F10: variants seen among roughly 807,000 people sequenced by gnomAD.
The protein encoded by F10 is coagulation factor X, also known as Stuart-Prower factor.
A neutral mutation model predicts 37.1 loss-of-function variants in F10; 29 were observed. That is an observed-to-expected ratio of 0.78 (90% CI 0.58 to 1.07). The LOEUF (loss-of-function observed/expected upper bound fraction) is 1.07. Among genes scored for constraint, F10 ranks in the 50% least tolerant of loss-of-function variants. The probability of loss-of-function intolerance (pLI) is 0.00; values close to 1 mark genes in which losing one functional copy is unlikely to be tolerated. For synonymous variants in F10, 262 were observed against 268.6 expected, an observed-to-expected ratio of 0.98 and a Z score of 0.24; for missense variants, 539 against 667.9, an observed-to-expected ratio of 0.81 and a Z score of 2.13.
In F10 at chr13:113,143,703, G is replaced by A. The variant is rs1020047882; in HGVS notation, c.503-148G>A. ...CAGATCCGACCCCTGCCGACGACGT[G>A]GGGCCTCGCCCTGCAAGCCCGCTGC... On this transcript the variant is annotated intron_variant, in intron 5 of 7. Transcript: ENST00000375559. The surrounding 1 kb of genome is among the most constrained non-coding windows in gnomAD (Gnocchi z 6.8). 1.9e-4 allele frequency: 224 copies of A among 1,187,984 alleles called. No homozygotes were observed. Among genetic ancestry groups the A allele is most frequent in the Admixed American group, 7.3e-4 (31 of 42,314 alleles). 73.6% of individuals were successfully genotyped at this position (1,187,984 alleles called of 1,614,324 possible). A position where few individuals can be genotyped will look rare whatever the true frequency, so the allele number is the denominator to read the frequency against.
At position 113,149,493 on chromosome 13, in the gene F10, C is replaced by G. The variant is rs1373042416; in HGVS notation, c.1443C>G (p.Val481=). 3.1e-6 allele frequency: 5 copies of G among 1,613,174 alleles called. No homozygotes were observed. Among genetic ancestry groups the G allele is most frequent in the Non-Finnish European group, 4.2e-6 (5 of 1,180,034 alleles). ...AGGCCAAGAGCCATGCCCCGGAGGT[C>G]ATAACGTCCTCTCCATTAAAGTGAG... ...LPKAKSHAPE[V]ITSSPLK is the part of the protein sequence containing the mutation. Residue 481 remains valine, a synonymous_variant, in exon 8 of 8, where the codon GTC becomes GTG. Coordinates refer to ENST00000375559, the MANE Select transcript of F10 (RefSeq NM_000504.4). The surrounding 1 kb of genome is among the most constrained non-coding windows in gnomAD (Gnocchi z 7.5).
intron 2 of F10, among the ~76,000 whole-genome samples, chr13:113,132,864 A>T (rs922821746): frequency 5.3e-5 from 8 of 152,240 alleles, no homozygotes; most frequent in African/African-American, 1.9e-4. Flanking sequence ...GCATACCTCA[A>T]TAAAAAGATT....
chr13:113,134,550 C>G (rs964487019), intron 2 of F10, among the ~76,000 whole-genome samples: 1 of 152,194 alleles, frequency 6.6e-6, no homozygotes, highest in South Asian at 2.1e-4. Flanking sequence ...AGGAACCACC[C>G]TCACGATTCA....
intron 6 of F10, among the ~76,000 whole-genome samples, chr13:113,145,730 G>C (rs1193759248): frequency 1.3e-5 from 2 of 152,218 alleles, no homozygotes; most frequent in African/African-American, 4.8e-5. Flanking sequence ...CAGCAAGACA[G>C]AGAATGAGAG....
chr13:113,132,712 T>C (rs1176390664), intron 2 of F10, among the ~76,000 whole-genome samples: 3 of 152,136 alleles, frequency 2.0e-5, no homozygotes, highest in South Asian at 4.1e-4. Context: ...TGGCTGTGAG[T>C]TTATCATTTT....
At chr13:113,140,281 C>T (rs1030360960) in intron 4 of F10, among the ~76,000 whole-genome samples, 1 of 151,710 alleles carries the variant, frequency 6.6e-6, no homozygotes, top group Non-Finnish European at 1.5e-5. Context: ...CGGGGTTTCA[C>T]CGTGTTAGCC....
Position 113,146,046 on chromosome 13 carries a change from G to A in F10, c.748-1333G>A, listed in dbSNP as rs2036579974. On this transcript the variant is annotated intron_variant, in intron 6 of 7. Transcript: ENST00000375559. This position sits in a 1 kb window ranked among gnomAD's most constrained non-coding sequence, Gnocchi z 4.5. ...ATCTCAGAGCTGCCAGCGCCCCCAT[G>A]AATTCCCCCAGGTCTTCCCCCACCC... 6.6e-6 allele frequency among the ~76,000 whole-genome samples: 1 copy of A among 152,160 alleles called. No homozygotes were observed. The highest frequency in any genetic ancestry group is 1.5e-5 in the Non-Finnish European group (1 of 68,038).
rs1398084828 is a variant in F10, at chr13:113,141,721, T to C, written c.502+671T>C. On this transcript the variant is annotated intron_variant, in intron 5 of 7. Transcript: ENST00000375559. This position sits in a 1 kb window ranked among gnomAD's most constrained non-coding sequence, Gnocchi z 5.4. ...GGCACTTCCACACGGCCAGCACACA[T>C]GAGGCCCTCGAAGGCGGGGCCTAGG... is the stretch of plus-strand genomic sequence containing the variant. Among the ~76,000 whole-genome samples, 3 of 152,064 alleles carry C rather than the reference T, an allele frequency of 2.0e-5. No homozygotes were observed. The highest frequency in any genetic ancestry group is 7.2e-5 in the African/African-American group (3 of 41,404).
Position 113,144,170 on chromosome 13 carries a change from G to C in F10, c.747+75G>C. Reference sequence around the variant, plus strand: ...CTGTGCACCTCGGGGAGGCCAGCCTGACACTTGGAATAGCAATCCGGGAAG... The same window carrying C: ...CTGTGCACCTCGGGGAGGCCAGCCTCACACTTGGAATAGCAATCCGGGAAG... On this transcript the variant is annotated intron_variant, in intron 6 of 7. Coordinates refer to ENST00000375559, the MANE Select transcript of F10 (RefSeq NM_000504.4). The surrounding 1 kb of genome is among the most constrained non-coding windows in gnomAD (Gnocchi z 6.4). The C allele has an allele frequency of 6.2e-7, 1 of 1,602,712 alleles. No homozygotes were observed. The highest frequency in any genetic ancestry group is 8.5e-7 in the Non-Finnish European group (1 of 1,175,706).
chr13:113,128,379 A>G (rs1207589954), intron 1 of F10: 1 of 152,256 alleles, frequency 6.6e-6, no homozygotes, highest in African/African-American at 2.4e-5. Flanking sequence ...GGTGGCTTCA[A>G]AGATATTCTG....
At chr13:113,124,835 G>A (rs569779749) in intron 1 of F10, among the ~76,000 whole-genome samples, 86 of 152,356 alleles carry the variant, frequency 5.6e-4, no homozygotes, top group African/African-American at 1.9e-3. Flanking sequence ...AAATCAAGGC[G>A]TCAGCGGGGC....
intron 2 of F10, among the ~76,000 whole-genome samples, chr13:113,133,128 C>G (rs2036448283): frequency 6.6e-6 from 1 of 151,864 alleles, no homozygotes; most frequent in South Asian, 2.1e-4. Context: ...ATTAAATGCT[C>G]ACATGGGAAA....
chr13:113,142,078 G>A, intron 5 of F10, among the ~76,000 whole-genome samples: 1 of 152,236 alleles, frequency 6.6e-6, no homozygotes, highest in East Asian at 1.9e-4. Flanking sequence ...TTCAAGCGCT[G>A]CTTCAATTAT....
In F10 at chr13:113,139,312, C is replaced by G. The variant is rs780071099; in HGVS notation, c.257-45C>G. On this transcript the variant is annotated intron_variant, in intron 3 of 7. Transcript: ENST00000375559. The surrounding 1 kb of genome is among the most constrained non-coding windows in gnomAD (Gnocchi z 5.2). ...CACAGCAAAACTGTTTCCATGATGC[C>G]GGAAACAGCTTGCAGACTCCAGTTT... 6.6e-7 allele frequency: 1 copy of G among 1,513,436 alleles called. No individual in the cohort carries two copies. Among genetic ancestry groups the G allele is most frequent in the Non-Finnish European group, 9.2e-7 (1 of 1,090,228 alleles). The allele number at this position is 1,513,436 out of a possible 1,614,324, so 93.8% of individuals were successfully genotyped here. A position where few individuals can be genotyped will look rare whatever the true frequency, so the allele number is the denominator to read the frequency against.
intron 1 of F10, among the ~76,000 whole-genome samples, chr13:113,124,204 A>T (rs2142246406): frequency 6.6e-6 from 1 of 152,310 alleles, no homozygotes; most frequent in South Asian, 2.1e-4. Flanking sequence ...CTTATTGGGA[A>T]TGGAAGTTGG....
chr13:113,123,294 C>A (rs1490842060), intron 1 of F10, among the ~76,000 whole-genome samples: 1 of 152,158 alleles, frequency 6.6e-6, no homozygotes, highest in African/African-American at 2.4e-5. Context: ...CAGGCAGAGA[C>A]AGGACAGTTA....
At position 113,146,625 on chromosome 13, in the gene F10, A is replaced by G. The variant is rs558016122; in HGVS notation, c.748-754A>G. Among the ~76,000 whole-genome samples the G allele has an allele frequency of 3.9e-5, 6 of 152,322 alleles. No homozygotes were observed. The East Asian group carries it at 1.2e-3, about 29-fold the overall frequency. On this transcript the variant is annotated intron_variant, in intron 6 of 7. Transcript: ENST00000375559. This position sits in a 1 kb window ranked among gnomAD's most constrained non-coding sequence, Gnocchi z 4.5. ...TGGATGATGAGTTGACAAATTATGC[A>G]AAAAAGAGGCAAAAACATGACCCCT... is the stretch of plus-strand genomic sequence containing the variant.
rs747352480 is a variant in F10 at position 113,122,935 on chromosome 13, C to T, written c.70+10C>T. On this transcript the variant is annotated intron_variant, in intron 1 of 7. Transcript: ENST00000375559. ...CTGCTCGGGGAAAGTCGTAAGTGCCCCTCGCCCTTCAGACCCAAAAGCAGC... is the reference window on the plus strand; with the variant it reads ...CTGCTCGGGGAAAGTCGTAAGTGCCTCTCGCCCTTCAGACCCAAAAGCAGC... 1 of 1,608,454 alleles carries T rather than the reference C, an allele frequency of 6.2e-7. No individual in the cohort carries two copies. Among genetic ancestry groups the T allele is most frequent in the Non-Finnish European group, 8.5e-7 (1 of 1,179,920 alleles).
chr13:113,148,943 G>A lies in F10; in HGVS notation c.893G>A (p.Gly298Asp), dbSNP rs1595099272. Reference protein sequence around the residue: ...VGDRNTEQEEGGEAVHEVEVV... With the variant: ...VGDRNTEQEEDGEAVHEVEVV... ...GACCGGAACACGGAGCAGGAGGAGG[G>A]CGGTGAGGCGGTGCACGAGGTGGAG... Residue 298 changes from glycine (G) to aspartate (D), a missense_variant, in exon 8 of 8, where the codon GGC (glycine) becomes GAC (aspartate). This residue lies in a region of F10 where 409 missense variants were observed against 547.9 expected (regional missense o/e 0.75). Transcript: ENST00000375559. 1 of 1,613,450 alleles carries A rather than the reference G, an allele frequency of 6.2e-7. No homozygotes were observed. Among genetic ancestry groups the A allele is most frequent in the Non-Finnish European group, 8.5e-7 (1 of 1,180,000 alleles).
Sources: allele counts gnomAD v4.1 joint callset (sites outside exome capture counted in the v4.1 genomes callset), GRCh38; gene constraint gnomAD v4.1.1; regional missense constraint gnomAD v4.1.1; non-coding constraint Gnocchi (gnomAD v3.1); transcripts MANE v1.5; gene names NCBI Gene and HGNC (gene_info 2026-07-23, HGNC 2026-07-21).